BACE2: variants seen among roughly 807,000 people sequenced by gnomAD.
BACE2 encodes the protein 56 kDa aspartic-like protease.
In BACE2, 17 loss-of-function variants were observed where a neutral mutation model predicts 46.2. That is an observed-to-expected ratio of 0.37 (90% CI 0.25 to 0.55). BACE2 has a LOEUF of 0.55. Ranked by LOEUF, BACE2 falls within the 20% of genes least tolerant of loss-of-function variation. The pLI is 0.82. For synonymous variants in BACE2, 277 were observed against 295.9 expected (o/e 0.94, Z 0.66); for missense variants, 595 against 698.1 (o/e 0.85, Z 1.66).
chr21:41,223,828 C>T (rs1334643338), intron 1 of BACE2, among the ~76,000 whole-genome samples: 3 of 152,102 alleles, frequency 2.0e-5, no homozygotes, highest in Non-Finnish European at 4.4e-5. Context: ...AGCCCGGGGC[C>T]GAGAGGTACA....
At chr21:41,177,226 G>A (rs1322739809) in intron 1 of BACE2, 1 of 152,226 alleles carries the variant, frequency 6.6e-6, no homozygotes, top group Non-Finnish European at 1.5e-5. Flanking sequence ...GGCAGTCTTG[G>A]GCTGGAGGAC....
chr21:41,227,969 T>C (rs1425248416), intron 2 of BACE2, among the ~76,000 whole-genome samples: 1 of 151,910 alleles, frequency 6.6e-6, no homozygotes, highest in Non-Finnish European at 1.5e-5. Context: ...GGACTTGGAG[T>C]TGGTCCAAAC....
chr21:41,228,207 G>A (rs534330357), intron 2 of BACE2, among the ~76,000 whole-genome samples: 5 of 152,292 alleles, frequency 3.3e-5, no homozygotes, highest in South Asian at 2.1e-4. Flanking sequence ...ATGTATAACC[G>A]GCTAATCAGT....
At chr21:41,235,499 A>G (rs1229780703) in intron 2 of BACE2, among the ~76,000 whole-genome samples, 1 of 152,208 alleles carries the variant, frequency 6.6e-6, no homozygotes, top group Non-Finnish European at 1.5e-5. Flanking sequence ...TGAATTAAAG[A>G]TAGTTAACAT....
chr21:41,267,278 G>A (rs1476329772), intron 8 of BACE2, among the ~76,000 whole-genome samples: 1 of 152,206 alleles, frequency 6.6e-6, no homozygotes, highest in Non-Finnish European at 1.5e-5. Flanking sequence ...AGGTCAGGGT[G>A]TGTTATGGCT....
rs962205779 is a variant in BACE2 at position 41,224,079 on chromosome 21, G to A, written c.313-2187G>A. 1.2e-4 allele frequency among the ~76,000 whole-genome samples: 18 copies of A among 152,242 alleles called. No homozygotes were observed. In the South Asian group the frequency reaches 2.3e-3, roughly 19 times the overall value. On this transcript the variant is annotated intron_variant, in intron 1 of 8. Transcript: ENST00000330333. ...AAGAATATTTCCAGGAAGAGGGAGC[G>A]AGACTGAGTCAGATCCTGCTGATGG... is the stretch of plus-strand genomic sequence containing the variant.
rs370526112 is a variant in BACE2, at chr21:41,264,955, G to T, written c.1303+7629G>T. 2.0e-4 allele frequency among the ~76,000 whole-genome samples: 31 copies of T among 152,276 alleles called. 1 individual carries two copies. Among genetic ancestry groups the T allele is most frequent in the South Asian group, 8.3e-4 (4 of 4,824 alleles). ...GCCATGATCATGTCACTGCACTCCA[G>T]CCTGGGAGACAGAGCAAGACTCTGA... On this transcript the variant is annotated intron_variant, in intron 8 of 8. Transcript: ENST00000330333.
intron 2 of BACE2, among the ~76,000 whole-genome samples, chr21:41,233,954 C>G (rs918414673): frequency 5.9e-5 from 9 of 152,168 alleles, no homozygotes; most frequent in African/African-American, 1.7e-4. Flanking sequence ...TAGCGAGACT[C>G]CATCTCAGCA....
rs894220202 is a variant in BACE2 at position 41,275,353 on chromosome 21, C to A, written c.1304-18C>A. Reference sequence around the variant, plus strand: ...CGCTCATTTCACAGCTGTGGATTTTCCCTTTCTGTCTCCCCAGAAATTGCA... The same window carrying A: ...CGCTCATTTCACAGCTGTGGATTTTACCTTTCTGTCTCCCCAGAAATTGCA... On this transcript the variant is annotated intron_variant, in intron 8 of 8. Coordinates refer to ENST00000330333, the MANE Select transcript of BACE2 (RefSeq NM_012105.5). The A allele has an allele frequency of 1.9e-6, 3 of 1,613,826 alleles. No homozygotes were observed. Among genetic ancestry groups the A allele is most frequent in the Admixed American group, 3.3e-5 (2 of 60,032 alleles).
intron 8 of BACE2, among the ~76,000 whole-genome samples, chr21:41,264,787 A>G (rs922585789): frequency 6.6e-6 from 1 of 152,116 alleles, no homozygotes; most frequent in Non-Finnish European, 1.5e-5. Context: ...CACAGTGCCA[A>G]ACCATATCAA....
chr21:41,207,569 G>A (rs1986167790), intron 1 of BACE2, among the ~76,000 whole-genome samples: 1 of 152,172 alleles, frequency 6.6e-6, no homozygotes, highest in Admixed American at 6.5e-5. Flanking sequence ...GAGTGGGACA[G>A]TGGCATGCTC....
At chr21:41,239,827 A>T (rs1271817884) in intron 3 of BACE2, among the ~76,000 whole-genome samples, 1 of 152,230 alleles carries the variant, frequency 6.6e-6, no homozygotes, top group East Asian at 1.9e-4. Flanking sequence ...AGACGCATGA[A>T]AACTTCCGTT....
chr21:41,170,356 A>G (rs1984563506), intron 1 of BACE2, among the ~76,000 whole-genome samples: 2 of 152,346 alleles, frequency 1.3e-5, no homozygotes, highest in Non-Finnish European at 2.9e-5. Context: ...TAGCCAAGGC[A>G]GTAGTTGGTT....
At chr21:41,189,414 A>T (rs1985491281) in intron 1 of BACE2, among the ~76,000 whole-genome samples, 1 of 152,022 alleles carries the variant, frequency 6.6e-6, no homozygotes, top group Admixed American at 6.6e-5. Context: ...AGTTTTCAGG[A>T]TCACTTTCTT....
At chr21:41,229,914 T>C (rs1986925637) in intron 2 of BACE2, among the ~76,000 whole-genome samples, 1 of 152,238 alleles carries the variant, frequency 6.6e-6, no homozygotes, top group Non-Finnish European at 1.5e-5. Flanking sequence ...CTTGCCACCA[T>C]TCTGACCACT....
chr21:41,215,863 G>T (rs1986449459), intron 1 of BACE2, among the ~76,000 whole-genome samples: 1 of 151,932 alleles, frequency 6.6e-6, no homozygotes, highest in African/African-American at 2.4e-5. Context: ...CTTTTATGTA[G>T]CTGGAGGGAC....
At chr21:41,209,001 T>G (rs1002609569) in intron 1 of BACE2, among the ~76,000 whole-genome samples, 1 of 152,172 alleles carries the variant, frequency 6.6e-6, no homozygotes, top group Non-Finnish European at 1.5e-5. Flanking sequence ...AACGTTGCCC[T>G]CTTGCAGCCA....
intron 3 of BACE2, among the ~76,000 whole-genome samples, chr21:41,238,801 G>A (rs13050880): frequency 8.6e-6 from 1 of 116,788 alleles, no homozygotes; most frequent in African/African-American, 3.3e-5. Flanking sequence ...TGGGGACTGT[G>A]GTGGGGTGGG....
intron 1 of BACE2, among the ~76,000 whole-genome samples, chr21:41,201,278 C>T (rs557802109): frequency 2.8e-4 from 43 of 152,334 alleles, no homozygotes; most frequent in Non-Finnish European, 4.6e-4. Context: ...CAGCTCTGAT[C>T]GTAGTAGAGG....
Sources: gnomAD v4.1 joint callset for allele counts (sites outside exome capture counted in the v4.1 genomes callset) on GRCh38, gnomAD v4.1.1 for gene constraint, MANE v1.5 for transcripts, NCBI Gene and HGNC (gene_info 2026-07-23, HGNC 2026-07-21) for gene names.